CDH13: variants seen among roughly 807,000 people sequenced by gnomAD.
The protein encoded by CDH13 is cadherin-13.
A neutral mutation model predicts 63.8 loss-of-function variants in CDH13; 24 were observed. The ratio of observed to expected loss-of-function variants is 0.38; its 90% confidence interval spans 0.27 to 0.53. The LOEUF is 0.53. Ranked by LOEUF, CDH13 falls within the 20% of genes least tolerant of loss-of-function variation. The pLI is 0.85. For missense variants in CDH13, 1,049 were observed against 903.1 expected, an observed-to-expected ratio of 1.16 and a Z score of -2.07; for synonymous variants, 503 against 355.3, an observed-to-expected ratio of 1.42 and a Z score of -4.67.
chr16:82,750,986 G>A (rs987402333), intron 1 of CDH13, among the ~76,000 whole-genome samples: 6 of 152,328 alleles, frequency 3.9e-5, no homozygotes, highest in African/African-American at 9.6e-5. Flanking sequence ...TCAGCAGTTT[G>A]CAAAAATTAT....
In CDH13 at chr16:82,971,633, G is replaced by A. The variant is rs1356256258; in HGVS notation, c.158-60377G>A. ...TGTGCGTTAAATGACAAGATGGCTG[G>A]GTGTAGTTCTGATATAAACTCTTCC... On this transcript the variant is annotated intron_variant, in intron 2 of 13. Transcript: ENST00000567109. Among the ~76,000 whole-genome samples, 16 of 152,072 alleles carry A rather than the reference G, an allele frequency of 1.1e-4. 1 individual carries two copies. The highest frequency in any genetic ancestry group is 2.6e-4 in the Admixed American group (4 of 15,268).
At chr16:82,657,744 A>G (rs916062976) in intron 1 of CDH13, among the ~76,000 whole-genome samples, 2 of 152,216 alleles carry the variant, frequency 1.3e-5, no homozygotes, top group Admixed American at 6.5e-5. Context: ...TTGCTGGTAC[A>G]TAGGAAAGTG....
intron 5 of CDH13, among the ~76,000 whole-genome samples, chr16:83,242,229 G>T (rs971053590): frequency 6.6e-6 from 1 of 152,116 alleles, no homozygotes; most frequent in African/African-American, 2.4e-5. Context: ...GATTACCATT[G>T]CTTTGTAGTA....
rs540107140 is a variant in CDH13 at position 83,217,598 on chromosome 16, C to T, written c.636+101C>T. 6.3e-5 allele frequency: 79 copies of T among 1,250,016 alleles called. No homozygotes were observed. In the South Asian group the frequency reaches 7.6e-4, roughly 12 times the overall value. The allele number at this position is 1,250,016 out of a possible 1,614,324, so 77.4% of individuals were successfully genotyped here. ...CATTATTTCTGTGCCTCATCAAACC[C>T]GGGACTGCATGGCTTTAGGGTGTTT... is the stretch of plus-strand genomic sequence containing the variant. On this transcript the variant is annotated intron_variant, in intron 5 of 13. Transcript: ENST00000567109.
intron 1 of CDH13, among the ~76,000 whole-genome samples, chr16:82,819,618 C>T (rs1221485534): frequency 6.6e-6 from 1 of 152,172 alleles, no homozygotes; most frequent in Non-Finnish European, 1.5e-5. Context: ...AAGACACCTG[C>T]ATGAAAGTTG....
intron 2 of CDH13, among the ~76,000 whole-genome samples, chr16:82,988,628 G>A (rs1053751858): frequency 5.9e-5 from 9 of 152,028 alleles, no homozygotes; most frequent in Admixed American, 5.9e-4. Context: ...GGGCATGTTG[G>A]TGGGTGCCTG....
intron 1 of CDH13, among the ~76,000 whole-genome samples, chr16:82,767,768 C>T (rs1488239279): frequency 6.6e-6 from 1 of 152,174 alleles, no homozygotes; most frequent in Non-Finnish European, 1.5e-5. Flanking sequence ...ACTGGACTGC[C>T]ATCCCATTAA....
At chr16:83,452,075 C>T (rs1256310667) in intron 6 of CDH13, among the ~76,000 whole-genome samples, 2 of 152,172 alleles carry the variant, frequency 1.3e-5, no homozygotes. Flanking sequence ...ATGTCACACG[C>T]ACTCCCCACC....
intron 8 of CDH13, among the ~76,000 whole-genome samples, chr16:83,655,625 G>A (rs72795382): frequency 6.6e-6 from 1 of 152,214 alleles, no homozygotes; most frequent in South Asian, 2.1e-4. Flanking sequence ...CCATGGAAAA[G>A]GCTCTGGATT....
chr16:83,305,539 A>G (rs1324918971), intron 5 of CDH13, among the ~76,000 whole-genome samples: 2 of 152,074 alleles, frequency 1.3e-5, no homozygotes, highest in East Asian at 1.9e-4. Context: ...CGGTATTATC[A>G]TAAGAAAAGT....
At chr16:83,031,651 C>A (rs1005366172) in intron 2 of CDH13, among the ~76,000 whole-genome samples, 2 of 152,008 alleles carry the variant, frequency 1.3e-5, no homozygotes, top group African/African-American at 4.8e-5. Flanking sequence ...CTCAATGGTC[C>A]TGAGCACCCT....
chr16:82,899,315 T>G (rs1049938241), intron 2 of CDH13, among the ~76,000 whole-genome samples: 2 of 152,214 alleles, frequency 1.3e-5, no homozygotes, highest in Non-Finnish European at 2.9e-5. Context: ...AGACAATTTC[T>G]TGGTGTTTAA....
chr16:83,217,223 G>T, intron 4 of CDH13, 122 bp from the exon 5 acceptor site: 1 of 882,430 alleles, frequency 1.1e-6, no homozygotes, highest in East Asian at 2.5e-5. Flanking sequence ...TCAAATCTGT[G>T]TTCACCAGGT....
chr16:83,701,732 T>A (rs1270911621), intron 10 of CDH13, among the ~76,000 whole-genome samples: 5 of 152,154 alleles, frequency 3.3e-5, no homozygotes, highest in Non-Finnish European at 5.9e-5. Context: ...AGCACCACGG[T>A]CAGCACCCAC....
At chr16:82,662,353 T>G (rs1170807296) in intron 1 of CDH13, among the ~76,000 whole-genome samples, 2 of 152,266 alleles carry the variant, frequency 1.3e-5, no homozygotes, top group African/African-American at 4.8e-5. Context: ...ACTTTTTATT[T>G]TCTTCACATG....
chr16:83,125,604 A>C (rs1350624243), intron 4 of CDH13, 103 bp downstream of exon 4: 2 of 660,860 alleles, frequency 3.0e-6, no homozygotes, highest in East Asian at 2.7e-5. Flanking sequence ...ATTAGTCTTC[A>C]TCTGTCTATG....
chr16:82,859,111 A>T (rs2039823676), intron 2 of CDH13: 1 of 152,232 alleles, frequency 6.6e-6, no homozygotes, highest in Admixed American at 6.5e-5. Context: ...TATCTTTAAG[A>T]AGTGTTAGGG....
At chr16:82,987,673 G>C (rs1356721121) in intron 2 of CDH13, among the ~76,000 whole-genome samples, 1 of 152,216 alleles carries the variant, frequency 6.6e-6, no homozygotes, top group Non-Finnish European at 1.5e-5. Flanking sequence ...CACTGTGCCA[G>C]GCCATGAATC....
At chr16:83,737,118 C>G (rs932911223) in intron 10 of CDH13, among the ~76,000 whole-genome samples, 12 of 152,212 alleles carry the variant, frequency 7.9e-5, no homozygotes, top group African/African-American at 2.9e-4. Flanking sequence ...TTCATGCTGA[C>G]CATGCCCACA....
Sources: allele counts gnomAD v4.1 joint callset (sites outside exome capture counted in the v4.1 genomes callset), GRCh38; gene constraint gnomAD v4.1.1; transcripts MANE v1.5; gene names NCBI Gene and HGNC (gene_info 2026-07-23, HGNC 2026-07-21).